DIAPH3: variants seen among roughly 807,000 people sequenced by gnomAD.
The protein encoded by DIAPH3 is diaphanous related formin 3.
Under a neutral mutation model 144.3 loss-of-function variants are expected in DIAPH3, and 117 were observed. That is an observed-to-expected ratio of 0.81 (90% CI 0.70 to 0.95). The LOEUF is 0.95. Among genes scored for constraint, DIAPH3 ranks in the 40% least tolerant of loss-of-function variants. The probability of loss-of-function intolerance (pLI) is 0.00; values close to 1 mark genes in which losing one functional copy is unlikely to be tolerated. For missense variants in DIAPH3, 1,421 were observed against 1,412.7 expected (o/e 1.01, Z -0.09); for synonymous variants, 519 against 488.9 (o/e 1.06, Z -0.81).
chr13:59,992,293 T>C, intron 10 of DIAPH3, 107 bp from the exon 11 acceptor site: 1 of 1,088,756 alleles, frequency 9.2e-7, no homozygotes, highest in South Asian at 1.4e-5. Context: ...ATTTATAGCA[T>C]TCGAACATTT....
At chr13:59,733,855 G>C (rs1383245241) in intron 27 of DIAPH3, among the ~76,000 whole-genome samples, 1 of 152,234 alleles carries the variant, frequency 6.6e-6, no homozygotes, top group Non-Finnish European at 1.5e-5. Context: ...GCTCAAAGAA[G>C]TGAATACCAA....
At chr13:59,879,574 G>A in intron 20 of DIAPH3, 106 bp from the exon 21 acceptor site, 2 of 1,450,704 alleles carry the variant, frequency 1.4e-6, no homozygotes, top group Non-Finnish European at 9.5e-7. Flanking sequence ...CAGTACCAAA[G>A]AAGAAATATG....
At chr13:59,885,737 T>C (rs2045402562) in intron 20 of DIAPH3, among the ~76,000 whole-genome samples, 1 of 152,104 alleles carries the variant, frequency 6.6e-6, no homozygotes, top group African/African-American at 2.4e-5. Context: ...AATCTCAAGA[T>C]GAAATCATCC....
At chr13:60,089,868 G>C (rs1160080637) in intron 4 of DIAPH3, among the ~76,000 whole-genome samples, 1 of 152,164 alleles carries the variant, frequency 6.6e-6, no homozygotes, top group Non-Finnish European at 1.5e-5. Context: ...GTAATTTCCA[G>C]ATTGAATTAG....
intron 27 of DIAPH3, among the ~76,000 whole-genome samples, chr13:59,733,826 C>A (rs1417328): frequency 2.0e-5 from 3 of 152,040 alleles, no homozygotes; most frequent in African/African-American, 7.3e-5. Flanking sequence ...CTTTCCAATT[C>A]AGCATTTTCC....
intron 17 of DIAPH3, among the ~76,000 whole-genome samples, chr13:59,940,847 C>G (rs998508862): frequency 5.3e-5 from 8 of 152,172 alleles, no homozygotes; most frequent in African/African-American, 1.7e-4. Flanking sequence ...TCTAGCCCAT[C>G]AGTAGAAACT....
chr13:59,820,061 C>T (rs770587466), intron 24 of DIAPH3, among the ~76,000 whole-genome samples: 4 of 151,880 alleles, frequency 2.6e-5, no homozygotes, highest in Non-Finnish European at 4.4e-5. Context: ...ATAACATCAA[C>T]AATTTTTTAT....
At chr13:59,812,256 CCATCCATCCATCCAT>C (rs2040521538) in intron 24 of DIAPH3, among the ~76,000 whole-genome samples, 2 of 10,344 alleles carry the variant, frequency 1.9e-4, no homozygotes, top group South Asian at 0.014. Flanking sequence ...ATGCATCCAT[CCATCCATCCATCCAT>C]CCATCCATCC....
intron 17 of DIAPH3, among the ~76,000 whole-genome samples, chr13:59,947,317 G>A (rs1437464459): frequency 6.6e-6 from 1 of 152,146 alleles, no homozygotes; most frequent in Non-Finnish European, 1.5e-5. Context: ...CAGAAGTGAA[G>A]GAAATGTCAT....
At chr13:60,107,069 G>GGTACTAT (rs2058440223) in intron 3 of DIAPH3, among the ~76,000 whole-genome samples, 1 of 152,148 alleles carries the variant, frequency 6.6e-6, no homozygotes, top group African/African-American at 2.4e-5. Context: ...TTAATAGTGT[G>GGTACTAT]TGAGGTAGAA....
chr13:59,745,816 T>A (rs1299161926), intron 27 of DIAPH3, among the ~76,000 whole-genome samples: 3 of 152,236 alleles, frequency 2.0e-5, no homozygotes, highest in African/African-American at 7.2e-5. Flanking sequence ...TAAAAATTAT[T>A]TTTTAAACAA....
intron 24 of DIAPH3, among the ~76,000 whole-genome samples, chr13:59,815,611 AT>A (rs2040726651): frequency 6.6e-6 from 1 of 152,060 alleles, no homozygotes; most frequent in Non-Finnish European, 1.5e-5. Flanking sequence ...TTTGTAACAT[AT>A]AAAAATGTAA....
rs367581413 is a variant in DIAPH3 at position 60,006,241 on chromosome 13, G to A, written c.1014+2303C>T. On this transcript the variant is annotated intron_variant, in intron 9 of 27. Coordinates refer to ENST00000400324, the MANE Select transcript of DIAPH3 (RefSeq NM_001042517.2). ...AACCAAGAATTAGACTGCAATAGTC[G>A]AAACTTTCCAATAAATGAGGAGATC... Among the ~76,000 whole-genome samples the A allele has an allele frequency of 2.0e-3, 307 of 152,158 alleles. 1 individual carries two copies. Among genetic ancestry groups the A allele is most frequent in the Non-Finnish European group, 2.9e-3 (197 of 67,988 alleles).
At chr13:59,960,045 A>G (rs1946675425) in intron 17 of DIAPH3, among the ~76,000 whole-genome samples, 2 of 152,200 alleles carry the variant, frequency 1.3e-5, no homozygotes, top group South Asian at 2.1e-4. Context: ...AATTTCCTCA[A>G]TGATTCACAA....
chr13:59,810,245 A>C (rs566702785), intron 25 of DIAPH3, among the ~76,000 whole-genome samples: 2 of 152,222 alleles, frequency 1.3e-5, no homozygotes, highest in East Asian at 3.9e-4. Flanking sequence ...CTGCAGCCTC[A>C]ACCTTCCAGG....
chr13:59,987,165 G>A (rs1489651376), intron 12 of DIAPH3, among the ~76,000 whole-genome samples: 2 of 151,876 alleles, frequency 1.3e-5, no homozygotes, highest in African/African-American at 4.8e-5. Context: ...ATGAGTTCAA[G>A]TCCTTTGTAG....
chr13:59,982,373 C>A (rs1173238019), intron 13 of DIAPH3, among the ~76,000 whole-genome samples: 2 of 151,326 alleles, frequency 1.3e-5, no homozygotes, highest in Non-Finnish European at 3.0e-5. Flanking sequence ...TAGTTTGCTG[C>A]ATATTTACAG....
chr13:60,075,725 T>C (rs1374752169), intron 4 of DIAPH3, among the ~76,000 whole-genome samples: 1 of 152,146 alleles, frequency 6.6e-6, no homozygotes, highest in African/African-American at 2.4e-5. Flanking sequence ...GTACTTCCAT[T>C]CCACCATGCC....
At chr13:60,000,589 T>C (rs193165517) in intron 9 of DIAPH3, among the ~76,000 whole-genome samples, 2 of 152,260 alleles carry the variant, frequency 1.3e-5, no homozygotes, top group Admixed American at 1.3e-4. Context: ...TAAAATCAGA[T>C]ATTTAGAACC....
Sources: allele counts gnomAD v4.1 joint callset (sites outside exome capture counted in the v4.1 genomes callset), GRCh38; gene constraint gnomAD v4.1.1; transcripts MANE v1.5; gene names NCBI Gene and HGNC (gene_info 2026-07-23, HGNC 2026-07-21).